Variants in CLVS1 observed in about 807,000 individuals in gnomAD.
CLVS1 encodes clavesin-1.
A neutral mutation model predicts 33.1 loss-of-function variants in CLVS1; 10 were observed. The ratio of observed to expected loss-of-function variants is 0.30; its 90% confidence interval spans 0.19 to 0.51. CLVS1 has a LOEUF of 0.51. Among genes scored for constraint, CLVS1 ranks in the 20% least tolerant of loss-of-function variants. The pLI is 0.97. For synonymous variants in CLVS1, 163 were observed against 166.1 expected, an observed-to-expected ratio of 0.98 and a Z score of 0.14; for missense variants, 343 against 433.4, an observed-to-expected ratio of 0.79 and a Z score of 1.85.
intron 3 of CLVS1, among the ~76,000 whole-genome samples, chr8:61,382,380 G>C (rs746332093): frequency 1.3e-5 from 2 of 152,046 alleles, no homozygotes; most frequent in Non-Finnish European, 2.9e-5. Flanking sequence ...AGTACAGCAG[G>C]GAAAAAAGCC....
chr8:61,447,471 C>A (rs1331534103), intron 3 of CLVS1, among the ~76,000 whole-genome samples: 1 of 151,150 alleles, frequency 6.6e-6, no homozygotes, highest in Non-Finnish European at 1.5e-5. Context: ...GTCTTTCCTG[C>A]CTTCTTCTGG....
intron 2 of CLVS1, among the ~76,000 whole-genome samples, chr8:61,265,932 G>A (rs1035624355): frequency 2.6e-5 from 4 of 152,156 alleles, no homozygotes; most frequent in African/African-American, 9.7e-5. Context: ...TGTCTCCACA[G>A]AGAAGCCCCC....
chr8:61,415,795 G>A (rs1357583876), intron 3 of CLVS1, among the ~76,000 whole-genome samples: 2 of 152,174 alleles, frequency 1.3e-5, no homozygotes, highest in African/African-American at 2.4e-5. Context: ...CAAGGGAACA[G>A]ACTAGTGATC....
the CLVS1 span, among the ~76,000 whole-genome samples, chr8:61,006,990 C>T: frequency 6.6e-6 from 1 of 152,198 alleles, no homozygotes; most frequent in South Asian, 2.1e-4. Context: ...TTTCATGCTG[C>T]CTGTTAACAT....
At chr8:61,308,332 T>C (rs557345052) in intron 2 of CLVS1, among the ~76,000 whole-genome samples, 2 of 152,300 alleles carry the variant, frequency 1.3e-5, no homozygotes, top group Admixed American at 6.5e-5. Context: ...GAGCTTCCAA[T>C]TACAAGCTCA....
At chr8:61,368,588 C>A (rs144682041) in intron 2 of CLVS1, among the ~76,000 whole-genome samples, 3 of 152,238 alleles carry the variant, frequency 2.0e-5, no homozygotes, top group African/African-American at 7.2e-5. Flanking sequence ...GCCATACTTG[C>A]TAGAGAGACA....
At chr8:61,303,071 A>G (rs894154270) in intron 2 of CLVS1, among the ~76,000 whole-genome samples, 10 of 152,330 alleles carry the variant, frequency 6.6e-5, no homozygotes, top group Non-Finnish European at 1.0e-4. Context: ...GGTTGGGGAC[A>G]TGGAGCCAAA....
the CLVS1 span, among the ~76,000 whole-genome samples, chr8:60,983,343 A>G: frequency 6.6e-6 from 1 of 152,158 alleles, no homozygotes; most frequent in Non-Finnish European, 1.5e-5. Context: ...AATATGTTGT[A>G]TGTGTGCCAA....
At chr8:61,341,234 C>A (rs1313008690) in intron 2 of CLVS1, among the ~76,000 whole-genome samples, 1 of 152,140 alleles carries the variant, frequency 6.6e-6, no homozygotes, top group African/African-American at 2.4e-5. Flanking sequence ...TTGGTAAGTC[C>A]GTCATTCTGT....
chr8:61,393,761 T>C (rs112638570), intron 3 of CLVS1, among the ~76,000 whole-genome samples: 3,355 of 152,196 alleles, frequency 0.022, 105 homozygotes, highest in African/African-American at 0.076. Context: ...TGTGATCCAT[T>C]TTCAGGACTC....
At chr8:61,473,401 A>T (rs1402279431) in intron 5 of CLVS1, among the ~76,000 whole-genome samples, 3 of 152,024 alleles carry the variant, frequency 2.0e-5, no homozygotes. Flanking sequence ...CGAGGGGGAA[A>T]ATGACGGGGG....
chr8:61,446,828 G>GTT (rs56873060), intron 3 of CLVS1, among the ~76,000 whole-genome samples: 4 of 138,226 alleles, frequency 2.9e-5, no homozygotes, highest in African/African-American at 7.8e-5. Context: ...TCTTTTGAAG[G>GTT]TTTTTTTTTT....
At chr8:61,034,470 CA>C in the CLVS1 span, among the ~76,000 whole-genome samples, 1 of 151,970 alleles carries the variant, frequency 6.6e-6, no homozygotes, top group Non-Finnish European at 1.5e-5. Context: ...CAATATATCT[CA>C]AAAAACTCAT....
intron 3 of CLVS1, among the ~76,000 whole-genome samples, chr8:61,389,013 T>C (rs1335821252): frequency 2.0e-5 from 3 of 152,232 alleles, no homozygotes; most frequent in Non-Finnish European, 4.4e-5. Flanking sequence ...TTTAAGCTTC[T>C]GCATATGAGT....
chr8:61,048,885 G>C, the CLVS1 span, among the ~76,000 whole-genome samples: 3 of 151,932 alleles, frequency 2.0e-5, no homozygotes, highest in Non-Finnish European at 2.9e-5. Flanking sequence ...CTATGCACCT[G>C]AATCTTTGAC....
chr8:61,405,748 G>A lies in CLVS1; in HGVS notation c.630+28969G>A, dbSNP rs546796816. On this transcript the variant is annotated intron_variant, in intron 3 of 5. Transcript: ENST00000325897. The stretch of plus-strand genomic sequence containing the variant: ...GCTCCTGGGGCAAGGCACTGTGGAA[G>A]ATGAGATCTAGCATAGTCAGGTGCC... Among the ~76,000 whole-genome samples, 5 of 145,864 alleles carry A rather than the reference G, an allele frequency of 3.4e-5. No individual in the cohort carries two copies. The South Asian group carries it at 1.1e-3, about 31-fold the overall frequency.
At chr8:61,311,234 C>G (rs1810821184) in intron 2 of CLVS1, among the ~76,000 whole-genome samples, 1 of 152,164 alleles carries the variant, frequency 6.6e-6, no homozygotes, top group East Asian at 1.9e-4. Context: ...TGCCTTGATT[C>G]CGGCTTCCTC....
At chr8:61,489,199 T>G (rs1235505909) in intron 5 of CLVS1, among the ~76,000 whole-genome samples, 1 of 152,250 alleles carries the variant, frequency 6.6e-6, no homozygotes, top group Non-Finnish European at 1.5e-5. Flanking sequence ...AACAGCTGAT[T>G]AATGTAAACT....
rs767017170 is a variant in CLVS1 at position 61,499,431 on chromosome 8, T to C, written c.978-24T>C. 1.4e-5 allele frequency: 22 copies of C among 1,541,828 alleles called. No individual in the cohort carries two copies. The Admixed American group carries it at 3.7e-4, about 26-fold the overall frequency. ...TCACCATGAATTGTTTGTAATTCTGTCTTTTTCCCTCCCCTCTTGTTAGAT... is the reference window on the plus strand; with the variant it reads ...TCACCATGAATTGTTTGTAATTCTGCCTTTTTCCCTCCCCTCTTGTTAGAT... On this transcript the variant is annotated intron_variant, in intron 5 of 5. Coordinates refer to ENST00000325897, the MANE Select transcript of CLVS1 (RefSeq NM_173519.3).
Sources: allele counts gnomAD v4.1 joint callset (sites outside exome capture counted in the v4.1 genomes callset), GRCh38; gene constraint gnomAD v4.1.1; transcripts MANE v1.5; gene names NCBI Gene and HGNC (gene_info 2026-07-23, HGNC 2026-07-21).